PHC2: variants seen among roughly 807,000 people sequenced by gnomAD.
PHC2 encodes polyhomeotic homolog 2.
In PHC2, 29 loss-of-function variants were observed where a neutral mutation model predicts 87.4. The observed-to-expected ratio is 0.33, with a 90% CI of 0.25 to 0.45. The LOEUF (loss-of-function observed/expected upper bound fraction) is 0.45. Ranked by LOEUF, PHC2 falls within the 20% of genes least tolerant of loss-of-function variation. The pLI is 1.00. For synonymous variants in PHC2, 438 were observed against 461.7 expected (o/e 0.95, Z 0.66); for missense variants, 857 against 1,136.7 (o/e 0.75, Z 3.54).
intron 7 of PHC2, 68 bp from the exon 8 acceptor site, chr1:33,355,321 GC>G: frequency 7.2e-7 from 1 of 1,379,846 alleles, no homozygotes; most frequent in Non-Finnish European, 9.7e-7. Flanking sequence ...TTCCAACTCT[GC>G]CCCTCCCGCA....
rs71006394 is a variant in PHC2, at chr1:33,343,468, C to CAAAAAAAA, written c.1559-9184_1559-9177dup. Among the ~76,000 whole-genome samples the CAAAAAAAA allele has an allele frequency of 5.0e-5, 3 of 59,844 alleles. 1 individual carries two copies. Among genetic ancestry groups the CAAAAAAAA allele is most frequent in the African/African-American group, 7.7e-5 (1 of 13,056 alleles). 39.3% of individuals were successfully genotyped at this position (59,844 alleles called of 152,430 possible). Reference sequence around the variant, plus strand: ...CTGGCAACAGAGCAAGACTCTGTCTCAAAAAAAAAAAAAAAAAAAAAAAGA... The same window carrying CAAAAAAAA: ...CTGGCAACAGAGCAAGACTCTGTCTCAAAAAAAAAAAAAAAAAAAAAAAAAAAAAAAGA... On this transcript the variant is annotated intron_variant, in intron 9 of 14. Transcript: ENST00000683057.
chr1:33,334,234 T>C lies in PHC2; in HGVS notation c.1617A>G (p.Ser539=). 6.2e-7 allele frequency: 1 copy of C among 1,612,636 alleles called. No homozygotes were observed. Among genetic ancestry groups the C allele is most frequent in the Admixed American group, 1.7e-5 (1 of 59,408 alleles). ...TGCTGGAGGCAGAGTTTCCGTTCCC[T>C]GAGGTCATGCCGGGGCTGCTGAGGT... ...LTDLSSPGMT[S]GNGNSASSIA... Residue 539 remains serine, a synonymous_variant, in exon 10 of 15, where the codon TCA becomes TCG. Coordinates refer to ENST00000683057, the MANE Select transcript of PHC2 (RefSeq NM_001385109.1). The surrounding 1 kb of genome is among the most constrained non-coding windows in gnomAD (Gnocchi z 5.5).
Position 33,324,053 on chromosome 1 carries a change from G to C in PHC2, c.*812C>G, listed in dbSNP as rs1014317298. ...CTTTGTGAACCAGGAGGGCGGTCAG[G>C]GGAACTTCACAGTGCGGGGAGGGGT... On this transcript the variant is annotated 3_prime_UTR_variant, in exon 15 of 15. Coordinates refer to ENST00000683057, the MANE Select transcript of PHC2 (RefSeq NM_001385109.1). 1 of 152,478 alleles carries C rather than the reference G, an allele frequency of 6.6e-6. No individual in the cohort carries two copies. The highest frequency in any genetic ancestry group is 6.5e-5 in the Admixed American group (1 of 15,294). The allele number at this position is 152,478 out of a possible 1,614,324, so 9.4% of individuals were successfully genotyped here. A position where few individuals can be genotyped will look rare whatever the true frequency, so the allele number is the denominator to read the frequency against.
chr1:33,364,008 G>A lies in PHC2; in HGVS notation c.976+3108C>T, dbSNP rs1022617223. The A allele has an allele frequency of 4.8e-5, 24 of 502,954 alleles. No homozygotes were observed. Among genetic ancestry groups the A allele is most frequent in the African/African-American group, 1.3e-4 (6 of 47,508 alleles). 31.2% of individuals were successfully genotyped at this position (502,954 alleles called of 1,614,324 possible). A position where few individuals can be genotyped will look rare whatever the true frequency, so the allele number is the denominator to read the frequency against. ...CGCCCCTTACTCCCCTCCCCCACCT[G>A]CTCCCCCACCCCTATTCTCGGCATA... On this transcript the variant is annotated intron_variant, in intron 7 of 14. Coordinates refer to ENST00000683057, the MANE Select transcript of PHC2 (RefSeq NM_001385109.1). The surrounding 1 kb of genome is among the most constrained non-coding windows in gnomAD (Gnocchi z 4.1).
chr1:33,334,072 A>G lies in PHC2; in HGVS notation c.1761+18T>C, dbSNP rs1646569116. Reference sequence around the variant, plus strand: ...AAAATATACTTAAAAAAAAAAGGGGAAAAGAAGTAGTCCGTACCGGGAAAG... The same window carrying G: ...AAAATATACTTAAAAAAAAAAGGGGGAAAGAAGTAGTCCGTACCGGGAAAG... On this transcript the variant is annotated intron_variant, in intron 10 of 14. Transcript: ENST00000683057. This position sits in a 1 kb window ranked among gnomAD's most constrained non-coding sequence, Gnocchi z 5.5. 1.9e-6 allele frequency: 3 copies of G among 1,571,306 alleles called. No individual in the cohort carries two copies. Among genetic ancestry groups the G allele is most frequent in the Non-Finnish European group, 1.7e-6 (2 of 1,160,966 alleles).
chr1:33,355,363 G>T, intron 7 of PHC2, 110 bp from the exon 8 acceptor site: 1 of 954,544 alleles, frequency 1.0e-6, no homozygotes, highest in Non-Finnish European at 1.5e-6. Flanking sequence ...CAAATTCAAT[G>T]TCTCTTGTTT....
intron 1 of PHC2, chr1:33,392,873 G>C (rs1649128509): frequency 6.6e-6 from 1 of 152,138 alleles, no homozygotes; most frequent in Admixed American, 6.5e-5. Context: ...TCAGGGGCTG[G>C]GCTTTTTGCC....
intron 7 of PHC2, among the ~76,000 whole-genome samples, chr1:33,362,611 G>T (rs531589062): frequency 4.7e-4 from 71 of 152,336 alleles, no homozygotes; most frequent in African/African-American, 1.6e-3. Context: ...TGAGTTTTAG[G>T]AGACCCACAG....
intron 6 of PHC2, 75 bp from the exon 7 acceptor site, chr1:33,367,503 G>A: frequency 1.7e-6 from 2 of 1,181,124 alleles, no homozygotes; most frequent in South Asian, 1.5e-5. Context: ...GAGGGAGAGA[G>A]GGATGGATCC....
intron 2 of PHC2, among the ~76,000 whole-genome samples, chr1:33,372,858 C>T (rs1647942781): frequency 6.6e-6 from 1 of 152,188 alleles, no homozygotes; most frequent in Non-Finnish European, 1.5e-5. Flanking sequence ...GAGTGAAGCT[C>T]AATAAGGCAG....
At chr1:33,429,621 A>C (rs553481606) in intron 1 of PHC2, among the ~76,000 whole-genome samples, 1 of 152,278 alleles carries the variant, frequency 6.6e-6, no homozygotes, top group South Asian at 2.1e-4. Context: ...GCTGTTAATC[A>C]CTTTTACTAG....
chr1:33,346,226 T>TGGGGGGGGGGGGGGGGGGG (rs1646842447), intron 9 of PHC2: 1 of 99,332 alleles, frequency 1.0e-5, no homozygotes, highest in Admixed American at 4.7e-4. Flanking sequence ...GGCTGGGGAC[T>TGGGGGGGGGGGGGGGGGGG]GGGGGGAGGT....
chr1:33,400,211 T>A (rs984833999), intron 1 of PHC2, among the ~76,000 whole-genome samples: 1 of 152,154 alleles, frequency 6.6e-6, no homozygotes, highest in Non-Finnish European at 1.5e-5. Flanking sequence ...GGAATATCTG[T>A]TTTAGAGGGC....
At position 33,419,640 on chromosome 1, in the gene PHC2, C is replaced by T. The variant is rs1031830446; in HGVS notation, c.-55+11336G>A. On this transcript the variant is annotated intron_variant, in intron 1 of 14. Transcript: ENST00000683057. ...TCTTATTTTTTTTGAGACGGAGTCTCGCTCTGTTGCCCAGGCTGGAGTGCA... is the reference window on the plus strand; with the variant it reads ...TCTTATTTTTTTTGAGACGGAGTCTTGCTCTGTTGCCCAGGCTGGAGTGCA... 1.2e-4 allele frequency among the ~76,000 whole-genome samples: 18 copies of T among 152,148 alleles called. No homozygotes were observed. In the East Asian group the frequency reaches 1.9e-3, roughly 16 times the overall value.
chr1:33,384,121 C>T (rs143567147), intron 1 of PHC2, among the ~76,000 whole-genome samples: 37 of 152,282 alleles, frequency 2.4e-4, no homozygotes, highest in African/African-American at 7.7e-4. Context: ...AAAACAGCCT[C>T]GTTAATATCA....
chr1:33,333,906 C>A (rs1043815642), intron 10 of PHC2, 184 bp downstream of exon 10: 4 of 597,092 alleles, frequency 6.7e-6, no homozygotes, highest in Non-Finnish European at 1.2e-5. Context: ...CACTGACCCC[C>A]CTCTTCTGGA....
chr1:33,349,376 C>A lies in PHC2; in HGVS notation c.1558+5025G>T, dbSNP rs1646912606. On this transcript the variant is annotated intron_variant, in intron 9 of 14. Transcript: ENST00000683057. The surrounding 1 kb of genome is among the most constrained non-coding windows in gnomAD (Gnocchi z 4.2). ...GCTGCGGCGCGCCGAGGTGACACGG[C>A]TTCCAGGGGCGACGGGCGCGCAGGG... The A allele has an allele frequency of 1.0e-6, 1 of 985,278 alleles. No individual in the cohort carries two copies. The highest frequency in any genetic ancestry group is 1.2e-6 in the Non-Finnish European group (1 of 829,940). 61.0% of individuals were successfully genotyped at this position (985,278 alleles called of 1,614,324 possible). A position where few individuals can be genotyped will look rare whatever the true frequency, so the allele number is the denominator to read the frequency against.
intron 1 of PHC2, among the ~76,000 whole-genome samples, chr1:33,427,839 G>A (rs1650744571): frequency 6.6e-6 from 1 of 152,142 alleles, no homozygotes; most frequent in Admixed American, 6.5e-5. Flanking sequence ...TACATTAGAT[G>A]GTTCTCTTGC....
At chr1:33,404,788 A>G (rs1334712824) in intron 1 of PHC2, among the ~76,000 whole-genome samples, 1 of 152,224 alleles carries the variant, frequency 6.6e-6, no homozygotes, top group African/African-American at 2.4e-5. Context: ...TAAGGAATTA[A>G]AATTGAATGA....
Sources: allele counts gnomAD v4.1 joint callset (sites outside exome capture counted in the v4.1 genomes callset), GRCh38; gene constraint gnomAD v4.1.1; non-coding constraint Gnocchi (gnomAD v3.1); transcripts MANE v1.5; gene names NCBI Gene and HGNC (gene_info 2026-07-23, HGNC 2026-07-21).